The following LMNB1 variants were observed in gnomAD, a reference collection of about 807,000 sequenced individuals.
LMNB1 encodes lamin B1.
A neutral mutation model predicts 67.1 loss-of-function variants in LMNB1; 23 were observed. The observed-to-expected ratio is 0.34, with a 90% CI of 0.25 to 0.49. The LOEUF is 0.49. LMNB1 is among the 20% of genes least tolerant of loss of function. The pLI is 0.99. For missense variants in LMNB1, 634 were observed against 746.5 expected (o/e 0.85, Z 1.76); for synonymous variants, 281 against 282.9 (o/e 0.99, Z 0.07).
intron 1 of LMNB1, among the ~76,000 whole-genome samples, chr5:126,795,130 CT>C (rs55837872): frequency 0.013 from 1,640 of 128,882 alleles, 36 homozygotes; most frequent in African/African-American, 0.041. Context: ...ATTCCTTTTC[CT>C]TTTTTTTTTT....
intron 1 of LMNB1, among the ~76,000 whole-genome samples, chr5:126,803,940 A>G (rs867113981): frequency 3.3e-5 from 5 of 152,298 alleles, no homozygotes; most frequent in African/African-American, 7.2e-5. Flanking sequence ...TGTTACCTCT[A>G]TGTAACAAAA....
At chr5:126,822,194 T>C (rs1237577773) in intron 7 of LMNB1, among the ~76,000 whole-genome samples, 1 of 152,144 alleles carries the variant, frequency 6.6e-6, no homozygotes, top group Non-Finnish European at 1.5e-5. Flanking sequence ...TTCACCATGT[T>C]GGCCAGGCTG....
intron 1 of LMNB1, among the ~76,000 whole-genome samples, chr5:126,795,949 T>TTTTTTTTTTTTTA (rs1751079121): frequency 1.1e-4 from 16 of 145,304 alleles, no homozygotes; most frequent in East Asian, 2.0e-4. Context: ...TTTTTTTTTT[T>TTTTTTTTTTTTTA]GAGACGGAGT....
At chr5:126,834,096 A>G (rs1752194245) in intron 10 of LMNB1, among the ~76,000 whole-genome samples, 1 of 152,220 alleles carries the variant, frequency 6.6e-6, no homozygotes, top group Non-Finnish European at 1.5e-5. Context: ...CTCGGCTGGA[A>G]TATCTTTTAG....
intron 1 of LMNB1, among the ~76,000 whole-genome samples, chr5:126,789,059 C>T (rs1750884175): frequency 6.6e-6 from 1 of 151,890 alleles, no homozygotes; most frequent in Non-Finnish European, 1.5e-5. Context: ...CCACGACTGG[C>T]TAATTTTTTG....
chr5:126,800,982 A>ATATATTTTTTTTTTTTTT, intron 1 of LMNB1, among the ~76,000 whole-genome samples: 2 of 18,626 alleles, frequency 1.1e-4, no homozygotes, highest in Non-Finnish European at 2.1e-4. Context: ...TATATATATA[A>ATATATTTTTTTTTTTTTT]TTTTTTTTTT....
intron 1 of LMNB1, among the ~76,000 whole-genome samples, chr5:126,803,998 G>T (rs530589295): frequency 2.0e-5 from 3 of 146,832 alleles, no homozygotes; most frequent in African/African-American, 8.2e-5. Context: ...ACTAATATCA[G>T]GGGAGTTTCA....
intron 1 of LMNB1, among the ~76,000 whole-genome samples, chr5:126,788,584 C>A (rs887959031): frequency 6.6e-6 from 1 of 152,074 alleles, no homozygotes; most frequent in East Asian, 1.9e-4. Flanking sequence ...TTGTAGTGGG[C>A]GGAGGTTGCA....
At chr5:126,778,264 A>G (rs576770449) in intron 1 of LMNB1, among the ~76,000 whole-genome samples, 3 of 150,304 alleles carry the variant, frequency 2.0e-5, no homozygotes, top group South Asian at 4.5e-4. Flanking sequence ...TGCGCGCCCC[A>G]GTTTCCGGCC....
Position 126,777,385 on chromosome 5 carries a change from C to T in LMNB1, c.-124C>T. 1 of 1,139,482 alleles carries T rather than the reference C, an allele frequency of 8.8e-7. No homozygotes were observed. Among genetic ancestry groups the T allele is most frequent in the Non-Finnish European group, 1.1e-6 (1 of 903,322 alleles). The allele number at this position is 1,139,482 out of a possible 1,614,324, so 70.6% of individuals were successfully genotyped here. A position where few individuals can be genotyped will look rare whatever the true frequency, so the allele number is the denominator to read the frequency against. On this transcript the variant is annotated 5_prime_UTR_variant, in exon 1 of 11. Transcript: ENST00000261366. ...GGTGCTTCTCCGTTCCTCTAAACGCCAGCGTCTGGACGTGAGCGCAGGTCG... is the reference window on the plus strand; with the variant it reads ...GGTGCTTCTCCGTTCCTCTAAACGCTAGCGTCTGGACGTGAGCGCAGGTCG...
chr5:126,777,581 A>C lies in LMNB1; in HGVS notation c.73A>C (p.Thr25Pro), dbSNP rs762274733. 6 of 1,524,022 alleles carry C rather than the reference A, an allele frequency of 3.9e-6. No individual in the cohort carries two copies. Among genetic ancestry groups the C allele is most frequent in the Non-Finnish European group, 5.3e-6 (6 of 1,135,906 alleles). 94.4% of individuals were successfully genotyped at this position (1,524,022 alleles called of 1,614,324 possible). Residue 25 changes from threonine to proline, a missense_variant, in exon 1 of 11, where the codon ACG (threonine) becomes CCG (proline). Transcript: ENST00000261366. ...CGGCCCCACCACGCCGCTGAGCCCC[A>C]CGCGCCTGTCGCGGCTCCAGGAGAA... ...AGGPTTPLSP[T>P]RLSRLQEKEE...
intron 1 of LMNB1, among the ~76,000 whole-genome samples, chr5:126,789,263 A>C (rs1750890268): frequency 2.0e-5 from 3 of 152,218 alleles, no homozygotes; most frequent in African/African-American, 7.2e-5. Flanking sequence ...TGGACAGGGG[A>C]CCAGAACCCT....
At chr5:126,800,982 A>ATATATATATTTTTTTTTTT in intron 1 of LMNB1, among the ~76,000 whole-genome samples, 2 of 18,632 alleles carry the variant, frequency 1.1e-4, no homozygotes, top group Non-Finnish European at 2.1e-4. Context: ...TATATATATA[A>ATATATATATTTTTTTTTTT]TTTTTTTTTT....
intron 1 of LMNB1, among the ~76,000 whole-genome samples, 195 bp from the exon 2 acceptor site, chr5:126,804,581 A>G (rs1366289733): frequency 6.6e-6 from 1 of 152,164 alleles, no homozygotes; most frequent in Non-Finnish European, 1.5e-5. Context: ...GTTATTAGTA[A>G]TCATGTGACA....
At chr5:126,817,260 G>A (rs1751733811) in intron 5 of LMNB1, among the ~76,000 whole-genome samples, 1 of 152,052 alleles carries the variant, frequency 6.6e-6, no homozygotes, top group Admixed American at 6.6e-5. Context: ...TTGCTTTCTG[G>A]TACTATAACA....
chr5:126,830,818 G>GT (rs1476725819), intron 9 of LMNB1, among the ~76,000 whole-genome samples: 4 of 152,184 alleles, frequency 2.6e-5, no homozygotes, highest in Non-Finnish European at 5.9e-5. Context: ...TACTCTCAAA[G>GT]TTTTTTAAGA....
In LMNB1 at chr5:126,811,808, T is replaced by G. The variant is rs1379851608; in HGVS notation, c.849T>G (p.Thr283=). The part of the protein sequence containing the change: ...ENARLSSEMN[T]STVNSAREEL... ...CCAGACTGTCATCAGAGATGAATAC[T>G]TCTACTGTCAACAGTGCCAGGGAAG... The change falls in exon 5 of 11, where the codon ACT becomes ACG. Residue 283 remains threonine (T), a synonymous_variant. Transcript: ENST00000261366. 6.2e-7 allele frequency: 1 copy of G among 1,612,106 alleles called. No individual in the cohort carries two copies. Among genetic ancestry groups the G allele is most frequent in the African/African-American group, 1.3e-5 (1 of 75,040 alleles).
intron 1 of LMNB1, among the ~76,000 whole-genome samples, 174 bp downstream of exon 1, chr5:126,778,041 G>A (rs1750518107): frequency 6.6e-6 from 1 of 152,216 alleles, no homozygotes; most frequent in African/African-American, 2.4e-5. Context: ...GTTCATAGCG[G>A]AGCAGGGGTC....
chr5:126,785,968 C>G (rs944297709), intron 1 of LMNB1, among the ~76,000 whole-genome samples: 1 of 151,190 alleles, frequency 6.6e-6, no homozygotes, highest in African/African-American at 2.4e-5. Flanking sequence ...GAGCCGAGAT[C>G]GTGCCACTGC....
Sources: allele counts gnomAD v4.1 joint callset (sites outside exome capture counted in the v4.1 genomes callset), GRCh38; gene constraint gnomAD v4.1.1; transcripts MANE v1.5; gene names NCBI Gene and HGNC (gene_info 2026-07-23, HGNC 2026-07-21).